Variants in ZNRF3 observed in about 807,000 individuals in gnomAD.
ZNRF3 encodes E3 ubiquitin-protein ligase ZNRF3.
ZNRF3 carries 23 observed loss-of-function variants against 72.5 expected under a neutral mutation model. The observed-to-expected ratio is 0.32, with a 90% CI of 0.23 to 0.45. The LOEUF (loss-of-function observed/expected upper bound fraction) is 0.45, where lower values mean the gene tolerates loss of function less well. ZNRF3 is among the 20% of genes least tolerant of loss of function. The pLI is 1.00. For missense variants in ZNRF3, 1,169 were observed against 1,272.1 expected (o/e 0.92, Z 1.23); for synonymous variants, 610 against 545.3 (o/e 1.12, Z -1.65).
chr22:28,971,362 C>T (rs2035571861), intron 1 of ZNRF3, among the ~76,000 whole-genome samples: 1 of 152,118 alleles, frequency 6.6e-6, no homozygotes, highest in South Asian at 2.1e-4. Flanking sequence ...GCTTTTAATT[C>T]ATAAACAGAT....
At position 28,942,133 on chromosome 22, in the gene ZNRF3, G is replaced by A. The variant is rs138727151; in HGVS notation, c.301-44943G>A. 9.8e-5 allele frequency among the ~76,000 whole-genome samples: 15 copies of A among 152,296 alleles called. No homozygotes were observed. In the East Asian group the frequency reaches 2.5e-3, roughly 26 times the overall value. ...GAAGCCAAATGTGTACCTCTAGCCC[G>A]GTGAACCTCTCACCTGTTTTAGGAA... On this transcript the variant is annotated intron_variant, in intron 1 of 8. Transcript: ENST00000544604.
rs753872471 is a variant in ZNRF3, at chr22:28,946,639, A to T, written c.301-40437A>T. Among the ~76,000 whole-genome samples the T allele has an allele frequency of 2.6e-5, 4 of 152,320 alleles. No homozygotes were observed. In the South Asian group the frequency reaches 6.2e-4, roughly 24 times the overall value. ...GTTGAAATCACTAGTTATGGATGCC[A>T]TCTTTATTTGGAAATGTTTGTAATT... On this transcript the variant is annotated intron_variant, in intron 1 of 8. Coordinates refer to ENST00000544604, the MANE Select transcript of ZNRF3 (RefSeq NM_001206998.2).
intron 2 of ZNRF3, among the ~76,000 whole-genome samples, chr22:29,024,163 T>A (rs2036583459): frequency 1.3e-5 from 2 of 152,178 alleles, no homozygotes; most frequent in Non-Finnish European, 2.9e-5. Flanking sequence ...AAGAAGTCCT[T>A]TTCTTAATGA....
In ZNRF3 at chr22:29,055,893, G is replaced by A. The variant is rs1386650740; in HGVS notation, c.*2271G>A. On this transcript the variant is annotated 3_prime_UTR_variant, in exon 9 of 9. Coordinates refer to ENST00000544604, the MANE Select transcript of ZNRF3 (RefSeq NM_001206998.2). The stretch of plus-strand genomic sequence containing the variant: ...CCCAAAGTGGCTTTCTTTAGCCCTG[G>A]CTGGAAAACCACCTCTCAATAGCCT... 6.6e-6 allele frequency: 1 copy of A among 152,022 alleles called. No individual in the cohort carries two copies. Among genetic ancestry groups the A allele is most frequent in the South Asian group, 2.1e-4 (1 of 4,822 alleles). 9.4% of individuals were successfully genotyped at this position (152,022 alleles called of 1,614,324 possible).
rs1355474851 is a variant in ZNRF3 at position 28,905,007 on chromosome 22, C to T, written c.300+20941C>T. Reference sequence around the variant, plus strand: ...CAGACTGGAAGTGCTGTGGAATGATCATAGCTCACTGTCACCTTGATCTCC... The same window carrying T: ...CAGACTGGAAGTGCTGTGGAATGATTATAGCTCACTGTCACCTTGATCTCC... On this transcript the variant is annotated intron_variant, in intron 1 of 8. Coordinates refer to ENST00000544604, the MANE Select transcript of ZNRF3 (RefSeq NM_001206998.2). 2.0e-5 allele frequency among the ~76,000 whole-genome samples: 3 copies of T among 150,860 alleles called. No individual in the cohort carries two copies. The Admixed American group carries it at 2.0e-4, about 10-fold the overall frequency.
At chr22:28,987,329 T>C (rs1489708843) in intron 2 of ZNRF3, 128 bp downstream of exon 2, 2 of 1,397,660 alleles carry the variant, frequency 1.4e-6, no homozygotes, top group Non-Finnish European at 1.9e-6. Context: ...CCGGCTGAAG[T>C]TGCATGAGGT....
intron 1 of ZNRF3, among the ~76,000 whole-genome samples, chr22:28,913,509 A>G (rs1020428957): frequency 2.0e-5 from 3 of 152,134 alleles, no homozygotes; most frequent in Non-Finnish European, 4.4e-5. Flanking sequence ...ACACCAAGTT[A>G]ACTACCAGCT....
At chr22:28,919,352 T>TG (rs2034468388) in intron 1 of ZNRF3, among the ~76,000 whole-genome samples, 1 of 152,196 alleles carries the variant, frequency 6.6e-6, no homozygotes, top group African/African-American at 2.4e-5. Context: ...TGCCAGGTAT[T>TG]GGGTTAAGCA....
At chr22:28,938,175 A>G (rs2034875896) in intron 1 of ZNRF3, among the ~76,000 whole-genome samples, 1 of 152,158 alleles carries the variant, frequency 6.6e-6, no homozygotes, top group South Asian at 2.1e-4. Context: ...TTATATATTT[A>G]TATACACATG....
At chr22:28,969,555 A>G (rs1049537273) in intron 1 of ZNRF3, among the ~76,000 whole-genome samples, 1 of 152,160 alleles carries the variant, frequency 6.6e-6, no homozygotes, top group African/African-American at 2.4e-5. Context: ...GGCATGTGGG[A>G]GGAACAGCAG....
intron 1 of ZNRF3, among the ~76,000 whole-genome samples, chr22:28,892,200 C>T (rs1231506687): frequency 6.6e-6 from 1 of 152,180 alleles, no homozygotes; most frequent in Non-Finnish European, 1.5e-5. Flanking sequence ...TTCAGTGGTG[C>T]CCCCCGTCCA....
chr22:28,886,797 A>G (rs1475837422), intron 1 of ZNRF3, among the ~76,000 whole-genome samples: 1 of 149,310 alleles, frequency 6.7e-6, no homozygotes, highest in Non-Finnish European at 1.5e-5. Context: ...GGTCTCTACA[A>G]AAAAAAAAAG....
intron 2 of ZNRF3, among the ~76,000 whole-genome samples, chr22:29,034,289 T>C (rs2036821874): frequency 6.6e-6 from 1 of 152,204 alleles, no homozygotes; most frequent in Non-Finnish European, 1.5e-5. Context: ...TACTCGAATG[T>C]TTCCATACTG....
At chr22:28,987,438 G>C (rs1369539490) in intron 2 of ZNRF3, among the ~76,000 whole-genome samples, 1 of 152,180 alleles carries the variant, frequency 6.6e-6, no homozygotes, top group Non-Finnish European at 1.5e-5. Flanking sequence ...CTTGTCCATT[G>C]TGTGGCCTTG....
At chr22:28,892,427 A>T (rs1299629762) in intron 1 of ZNRF3, among the ~76,000 whole-genome samples, 1 of 152,234 alleles carries the variant, frequency 6.6e-6, no homozygotes, top group Non-Finnish European at 1.5e-5. Flanking sequence ...CTGTCACTGT[A>T]TGAGCATTCT....
intron 1 of ZNRF3, among the ~76,000 whole-genome samples, chr22:28,918,493 TGTGTGTGTATGCACAC>T (rs1368025470): frequency 6.3e-4 from 96 of 151,838 alleles, no homozygotes; most frequent in Non-Finnish European, 1.0e-3. Context: ...GGTGCGTGCG[TGTGTGTGTATGCACAC>T]GTGTGTGTAT....
chr22:28,991,486 C>T (rs907220864), intron 2 of ZNRF3, among the ~76,000 whole-genome samples: 1 of 151,824 alleles, frequency 6.6e-6, no homozygotes, highest in Non-Finnish European at 1.5e-5. Context: ...CTCCTCTGTG[C>T]AGCAGGGCTA....
At chr22:28,959,392 C>G (rs1365230719) in intron 1 of ZNRF3, among the ~76,000 whole-genome samples, 2 of 152,190 alleles carry the variant, frequency 1.3e-5, no homozygotes, top group Non-Finnish European at 2.9e-5. Flanking sequence ...AACCTCTGGC[C>G]TGGGAAGACC....
At chr22:28,999,216 C>T (rs2036100807) in intron 2 of ZNRF3, among the ~76,000 whole-genome samples, 1 of 150,456 alleles carries the variant, frequency 6.6e-6, no homozygotes, top group South Asian at 2.1e-4. Context: ...TGCCTGTAAT[C>T]CCAGCTACTC....
Sources: allele counts gnomAD v4.1 joint callset (sites outside exome capture counted in the v4.1 genomes callset), GRCh38; gene constraint gnomAD v4.1.1; transcripts MANE v1.5; gene names NCBI Gene and HGNC (gene_info 2026-07-23, HGNC 2026-07-21).